The following CDK8 variants were observed in gnomAD, a reference collection of about 807,000 sequenced individuals.
CDK8 encodes the protein cyclin-dependent kinase 8.
In CDK8, 29 loss-of-function variants were observed where a neutral mutation model predicts 71.5. The observed-to-expected ratio is 0.41, with a 90% confidence interval of 0.30 to 0.55. The LOEUF (loss-of-function observed/expected upper bound fraction) is 0.55, where lower values mean the gene tolerates loss of function less well. Ranked by LOEUF, CDK8 falls within the 20% of genes least tolerant of loss-of-function variation. The pLI, the probability that CDK8 is intolerant of heterozygous loss-of-function variation, is 0.37. For synonymous variants in CDK8, 161 were observed against 192.1 expected, an observed-to-expected ratio of 0.84 and a Z score of 1.34; for missense variants, 288 against 572.6, an observed-to-expected ratio of 0.50 and a Z score of 5.07.
chr13:26,297,989 G>C (rs1313462758), intron 1 of CDK8, among the ~76,000 whole-genome samples: 1 of 151,822 alleles, frequency 6.6e-6, no homozygotes, highest in Non-Finnish European at 1.5e-5. Flanking sequence ...CTTTTATAGG[G>C]GCAATATCCC....
chr13:26,400,166 C>A, intron 9 of CDK8: 1 of 279,956 alleles, frequency 3.6e-6, no homozygotes, highest in Non-Finnish European at 6.7e-6. Flanking sequence ...AATTTTGGTC[C>A]TGTTCTAAAT....
chr13:26,364,426 C>T (rs1874289368), intron 4 of CDK8, among the ~76,000 whole-genome samples: 1 of 152,094 alleles, frequency 6.6e-6, no homozygotes, highest in Non-Finnish European at 1.5e-5. Flanking sequence ...GAAGCCCTTG[C>T]ACTAGAAAAT....
chr13:26,379,142 A>G (rs1314457442), intron 4 of CDK8, among the ~76,000 whole-genome samples: 1 of 152,240 alleles, frequency 6.6e-6, no homozygotes, highest in African/African-American at 2.4e-5. Context: ...AATGGAAAGT[A>G]ACATGAGGAG....
chr13:26,365,604 A>G (rs1400045160), intron 4 of CDK8, among the ~76,000 whole-genome samples: 1 of 152,092 alleles, frequency 6.6e-6, no homozygotes, highest in East Asian at 1.9e-4. Context: ...TTTCTTTAAG[A>G]TGTTTTTGTG....
rs1335607948 is a variant in CDK8 at position 26,396,168 on chromosome 13, C to CT, written c.791-111dup. 14 of 410,074 alleles carry CT rather than the reference C, an allele frequency of 3.4e-5. No homozygotes were observed. In the Admixed American group the frequency reaches 4.9e-4, roughly 14 times the overall value. The allele number at this position is 410,074 out of a possible 1,614,324, so 25.4% of individuals were successfully genotyped here. ...TTGCTGAACATTTATTTGAAGACAGCTTTTTTGTGTGGAGGTTGAACGGAT... is the reference window on the plus strand; with the variant it reads ...TTGCTGAACATTTATTTGAAGACAGCTTTTTTTGTGTGGAGGTTGAACGGAT... On this transcript the variant is annotated intron_variant, in intron 7 of 12. Coordinates refer to ENST00000381527, the MANE Select transcript of CDK8 (RefSeq NM_001260.3).
chr13:26,279,234 A>G (rs1488011310), intron 1 of CDK8, among the ~76,000 whole-genome samples: 6 of 152,246 alleles, frequency 3.9e-5, no homozygotes, highest in African/African-American at 1.2e-4. Context: ...TGTAACTCTC[A>G]GTGTAAAAAT....
intron 1 of CDK8, among the ~76,000 whole-genome samples, chr13:26,257,894 T>TTGTG (rs34745022): frequency 6.3e-4 from 93 of 148,720 alleles, no homozygotes; most frequent in Middle Eastern, 3.4e-3. Context: ...GAGTGTGTGT[T>TTGTG]TGTGTGTGTG....
chr13:26,343,639 T>C (rs1873339050), intron 2 of CDK8, among the ~76,000 whole-genome samples: 2 of 152,144 alleles, frequency 1.3e-5, no homozygotes, highest in South Asian at 4.1e-4. Context: ...CAGTGAGTAG[T>C]GAATGAATGT....
At chr13:26,385,410 AT>A (rs2138050685) in intron 6 of CDK8, 68 bp downstream of exon 6, 1 of 1,296,834 alleles carries the variant, frequency 7.7e-7, no homozygotes, top group Non-Finnish European at 1.1e-6. Flanking sequence ...ATTCCTATAT[AT>A]TTTTAAATTA....
chr13:26,379,040 A>T (rs1230712732), intron 4 of CDK8, among the ~76,000 whole-genome samples: 1 of 152,200 alleles, frequency 6.6e-6, no homozygotes, highest in Admixed American at 6.5e-5. Flanking sequence ...TTCTCTTAAG[A>T]TTCCCATTAG....
intron 1 of CDK8, among the ~76,000 whole-genome samples, chr13:26,270,897 T>A (rs1872287658): frequency 6.6e-6 from 1 of 152,200 alleles, no homozygotes; most frequent in Non-Finnish European, 1.5e-5. Context: ...GCCTCCAAAC[T>A]GTTTTCCACA....
intron 9 of CDK8, among the ~76,000 whole-genome samples, chr13:26,398,226 A>G (rs1008108484): frequency 6.6e-6 from 1 of 152,218 alleles, no homozygotes; most frequent in African/African-American, 2.4e-5. Flanking sequence ...TATCCAGATA[A>G]TGGTTTATTA....
chr13:26,266,406 T>C (rs897543744), intron 1 of CDK8, among the ~76,000 whole-genome samples: 1 of 151,972 alleles, frequency 6.6e-6, no homozygotes, highest in African/African-American at 2.4e-5. Context: ...AGGCCAAAAA[T>C]TGAGTCTAGA....
At chr13:26,399,063 G>A (rs1418427632) in intron 9 of CDK8, among the ~76,000 whole-genome samples, 1 of 151,722 alleles carries the variant, frequency 6.6e-6, no homozygotes, top group Non-Finnish European at 1.5e-5. Context: ...AGGCTAGAGT[G>A]CAGTGGTGTG....
chr13:26,307,396 A>G (rs1444797322), intron 1 of CDK8, among the ~76,000 whole-genome samples: 1 of 152,146 alleles, frequency 6.6e-6, no homozygotes, highest in African/African-American at 2.4e-5. Flanking sequence ...TGAGAACTTG[A>G]CCCACTGTTT....
chr13:26,315,315 T>C (rs2137937711), intron 1 of CDK8, among the ~76,000 whole-genome samples: 1 of 152,314 alleles, frequency 6.6e-6, no homozygotes, highest in South Asian at 2.1e-4. Flanking sequence ...GTGTTGTTCA[T>C]AGAATATATA....
chr13:26,364,235 T>C (rs1169907714), intron 4 of CDK8, among the ~76,000 whole-genome samples: 1 of 152,128 alleles, frequency 6.6e-6, no homozygotes, highest in Non-Finnish European at 1.5e-5. Flanking sequence ...ACACAATCAG[T>C]TTTTTTGTTG....
intron 6 of CDK8, among the ~76,000 whole-genome samples, chr13:26,390,116 T>A (rs1378112085): frequency 6.6e-6 from 1 of 152,212 alleles, no homozygotes; most frequent in African/African-American, 2.4e-5. Context: ...AGCCTAAAGA[T>A]TAAAATACTC....
chr13:26,381,359 A>G (rs1593301706), intron 4 of CDK8, among the ~76,000 whole-genome samples: 1 of 152,150 alleles, frequency 6.6e-6, no homozygotes, highest in South Asian at 2.1e-4. Flanking sequence ...GTCTTGATTG[A>G]TTACCGTGGT....
Sources: allele counts gnomAD v4.1 joint callset (sites outside exome capture counted in the v4.1 genomes callset), GRCh38; gene constraint gnomAD v4.1.1; transcripts MANE v1.5; gene names NCBI Gene and HGNC (gene_info 2026-07-23, HGNC 2026-07-21).